C9orf57: variants seen among roughly 807,000 people sequenced by gnomAD.
C9orf57 encodes the protein uncharacterized protein C9orf57.
In C9orf57, 12 loss-of-function variants were observed where a neutral mutation model predicts 12.9. The ratio of observed to expected loss-of-function variants is 0.93; its 90% CI spans 0.60 to 1.51. The LOEUF is 1.51. C9orf57 is among the 40% of genes most tolerant of loss of function. The probability of loss-of-function intolerance (pLI) is 0.00; values close to 1 mark genes in which losing one functional copy is unlikely to be tolerated. For missense variants in C9orf57, 141 were observed against 162.8 expected (o/e 0.87, Z 0.73); for synonymous variants, 49 against 57.1 (o/e 0.86, Z 0.64).
rs751098742 is a variant in C9orf57, at chr9:72,056,094, T to G, written c.260A>C (p.Lys87Thr). The change falls in exon 4 of 5, where the codon AAA becomes ACA. Residue 87 changes from lysine to threonine, a missense_variant. By Grantham distance (78) the Lys-to-Thr change is moderately conservative. Transcript: ENST00000651200. ...TCQAEPGQYCKEEVHIQGGIQ... is the reference protein window; with the variant it reads ...TCQAEPGQYCTEEVHIQGGIQ... ...CTTACCTTGAATGTGGACCTCTTCT[T>G]TACAGTACTGACCAGGTTCTGCCTG... 7.0e-5 allele frequency: 109 copies of G among 1,549,866 alleles called. No individual in the cohort carries two copies. The highest frequency in any genetic ancestry group is 1.1e-5 in the Non-Finnish European group (13 of 1,145,956).
intron 2 of C9orf57, among the ~76,000 whole-genome samples, chr9:72,058,416 C>T (rs143012693): frequency 0.013 from 1,920 of 152,308 alleles, 42 homozygotes; most frequent in African/African-American, 0.044. Flanking sequence ...CTGCCTCAGC[C>T]TCCCAAAGTG....
chr9:72,056,003 T>C (rs1824192027), intron 4 of C9orf57, 71 bp downstream of exon 4: 5 of 1,463,940 alleles, frequency 3.4e-6, no homozygotes, highest in East Asian at 5.1e-5. Context: ...ATCTGGTATA[T>C]GAAAGTTTGT....
intron 2 of C9orf57, 64 bp downstream of exon 2, chr9:72,059,171 G>C: frequency 6.5e-7 from 1 of 1,541,446 alleles, no homozygotes; most frequent in Non-Finnish European, 8.8e-7. Context: ...GAGCCGCCAC[G>C]CTCGGCCCTA....
intron 2 of C9orf57, among the ~76,000 whole-genome samples, chr9:72,058,455 C>A (rs1824254150): frequency 6.6e-6 from 1 of 152,108 alleles, no homozygotes; most frequent in South Asian, 2.1e-4. Context: ...GCCACCGCGG[C>A]CAGCCTTAGG....
At chr9:72,052,938 A>G (rs568049854) in intron 4 of C9orf57, among the ~76,000 whole-genome samples, 13 of 152,306 alleles carry the variant, frequency 8.5e-5, no homozygotes, top group African/African-American at 3.1e-4. Context: ...TGCACACAAG[A>G]ACAAAATAAG....
chr9:72,054,717 T>G (rs981584922), intron 4 of C9orf57, among the ~76,000 whole-genome samples: 1 of 152,128 alleles, frequency 6.6e-6, no homozygotes, highest in Non-Finnish European at 1.5e-5. Flanking sequence ...GTATTTACTC[T>G]TGATTGTTGG....
At position 72,056,113 on chromosome 9, in the gene C9orf57, C is replaced by T. The variant is rs111984851; in HGVS notation, c.241G>A (p.Glu81Lys). The change falls in exon 4 of 5, where the codon GAA (glutamate) becomes AAA (lysine). Residue 81 changes from glutamate to lysine, a missense_variant. Coordinates refer to ENST00000651200, the MANE Select transcript of C9orf57 (RefSeq NM_001128618.2). ...TCTTCTTTACAGTACTGACCAGGTT[C>T]TGCCTGGCAGGTTCCCAGGTCTAAA... ...CLLDLGTCQA[E>K]PGQYCKEEVH... 1.9e-5 allele frequency: 29 copies of T among 1,551,064 alleles called. No homozygotes were observed. The highest frequency in any genetic ancestry group is 9.8e-5 in the Admixed American group (5 of 50,974).
rs1229782956 is a variant in C9orf57, at chr9:72,059,284, A to G, written c.48T>C (p.Gly16=). 3.9e-6 allele frequency: 6 copies of G among 1,551,732 alleles called. No homozygotes were observed. Among genetic ancestry groups the G allele is most frequent in the Non-Finnish European group, 5.2e-6 (6 of 1,146,998 alleles). Residue 16 remains glycine, a synonymous_variant, in exon 2 of 5, where the codon GGT becomes GGC. Coordinates refer to ENST00000651200, the MANE Select transcript of C9orf57 (RefSeq NM_001128618.2). ...FAGVILFRLL[G]VILFRLLGVI... Reference sequence around the variant, plus strand: ...CACCTAAGAGGCGGAATAAGATAACACCTAAGAGGCGGAATAAGATAACAC... The same window carrying G: ...CACCTAAGAGGCGGAATAAGATAACGCCTAAGAGGCGGAATAAGATAACAC...
At chr9:72,054,655 G>C (rs957798564) in intron 4 of C9orf57, among the ~76,000 whole-genome samples, 1 of 152,022 alleles carries the variant, frequency 6.6e-6, no homozygotes, top group Non-Finnish European at 1.5e-5. Context: ...TATATTTGTA[G>C]GTTACTTATA....
chr9:72,059,511 A>C (rs7047632), intron 1 of C9orf57, 127 bp from the exon 2 acceptor site: 255,105 of 1,171,452 alleles, frequency 0.22, 32,843 homozygotes, highest in East Asian at 0.51. Flanking sequence ...AAAATAAGGT[A>C]CCTGTCTTTA....
In C9orf57 at chr9:72,052,303, T is replaced by C. The variant is rs534328373; in HGVS notation, c.413A>G (p.Asn138Ser). 3 of 1,551,656 alleles carry C rather than the reference T, an allele frequency of 1.9e-6. No homozygotes were observed. ...TAGATATGGGCCACTGACTCAGAAA[T>C]TGCACAAAGAATGATTGCAGCAGTG... ...TTHCCNHSLC[N>S]F The change falls in exon 5 of 5, where the codon AAT (asparagine) becomes AGT (serine). Residue 138 changes from asparagine (N) to serine (S), a missense_variant. Coordinates refer to ENST00000651200, the MANE Select transcript of C9orf57 (RefSeq NM_001128618.2).
chr9:72,058,860 C>G (rs1167989004), intron 2 of C9orf57, among the ~76,000 whole-genome samples: 1 of 152,122 alleles, frequency 6.6e-6, no homozygotes, highest in Non-Finnish European at 1.5e-5. Context: ...ACTTTCCATT[C>G]ATAATCAATG....
intron 2 of C9orf57, 69 bp downstream of exon 2, chr9:72,059,166 G>A (rs751653856): frequency 2.1e-5 from 32 of 1,536,314 alleles, no homozygotes; most frequent in African/African-American, 1.8e-4. Context: ...GGCGTGAGCC[G>A]CCACGCTCGG....
At chr9:72,059,419 C>A in intron 1 of C9orf57, 35 bp from the exon 2 acceptor site, 1 of 1,544,630 alleles carries the variant, frequency 6.5e-7, no homozygotes, top group Non-Finnish European at 8.7e-7. Flanking sequence ...TTTATGTTAG[C>A]TATTTTAAAA....
At chr9:72,053,943 C>A (rs555243306) in intron 4 of C9orf57, among the ~76,000 whole-genome samples, 6 of 152,308 alleles carry the variant, frequency 3.9e-5, no homozygotes, top group African/African-American at 1.4e-4. Context: ...CACTCCATGA[C>A]CTGCATGTAA....
In C9orf57 at chr9:72,051,437, C is replaced by A. The variant is rs142683344; in HGVS notation, c.*859G>T. ...AAACTCCTGAAAATACAGAGAAAGACAGTTTTAAATTAAATTTTAAATTAA... is the reference window on the plus strand; with the variant it reads ...AAACTCCTGAAAATACAGAGAAAGAAAGTTTTAAATTAAATTTTAAATTAA... On this transcript the variant is annotated 3_prime_UTR_variant, in exon 5 of 5. Transcript: ENST00000651200. 6.6e-6 allele frequency: 1 copy of A among 152,188 alleles called. No homozygotes were observed. The highest frequency in any genetic ancestry group is 1.5e-5 in the Non-Finnish European group (1 of 68,008). 9.4% of individuals were successfully genotyped at this position (152,188 alleles called of 1,614,324 possible). A position where few individuals can be genotyped will look rare whatever the true frequency, so the allele number is the denominator to read the frequency against.
In C9orf57 at chr9:72,056,155, G is replaced by T. The variant is rs1028352530; in HGVS notation, c.199C>A (p.Pro67Thr). Residue 67 changes from proline (P) to threonine (T), a missense_variant, in exon 4 of 5, where the codon CCC becomes ACC. Physicochemically the swap from Pro to Thr is conservative, Grantham distance 38. Coordinates refer to ENST00000651200, the MANE Select transcript of C9orf57 (RefSeq NM_001128618.2). ...AGGTCTAAAAGACATCCATGGAAGG[G>T]CAGTGAAAGATTGCATGCTCTGCAA... ...LICRACNLSLPFHGCLLDLGT... is the reference protein window; with the variant it reads ...LICRACNLSLTFHGCLLDLGT... 5 of 1,550,770 alleles carry T rather than the reference G, an allele frequency of 3.2e-6. No homozygotes were observed. In the Admixed American group the frequency reaches 5.9e-5, roughly 18 times the overall value.
Position 72,060,525 on chromosome 9 carries a change from A to G in C9orf57, c.-82T>C. 6.5e-7 allele frequency: 1 copy of G among 1,543,182 alleles called. No homozygotes were observed. Among genetic ancestry groups the G allele is most frequent in the Non-Finnish European group, 8.8e-7 (1 of 1,139,664 alleles). On this transcript the variant is annotated 5_prime_UTR_variant, in exon 1 of 5. Transcript: ENST00000651200. ...TCTTTTTCATTAAGGTACTATGGAA[A>G]TTTTCCTGGGTCTGAACTTTCTTAA...
Position 72,056,837 on chromosome 9 carries a change from C to G in C9orf57, c.104G>C (p.Gly35Ala). The G allele has an allele frequency of 6.4e-7, 1 of 1,550,858 alleles. No individual in the cohort carries two copies. Among genetic ancestry groups the G allele is most frequent in the Non-Finnish European group, 8.7e-7 (1 of 1,146,244 alleles). Residue 35 changes from glycine to alanine, a missense_variant, in exon 3 of 5, where the codon GGA (glycine) becomes GCA (alanine). Physicochemically the swap from Gly to Ala is moderately conservative, Grantham distance 60. Transcript: ENST00000651200. The stretch of plus-strand genomic sequence containing the variant: ...CTGACCAGGTTTTGTCTGGCAGGTT[C>G]CCAGGTCTAAAAGACATCCATGGAA... ...VILFGRLGDL[G>A]TCQTKPGQYW...
Sources: allele counts gnomAD v4.1 joint callset (sites outside exome capture counted in the v4.1 genomes callset), GRCh38; gene constraint gnomAD v4.1.1; transcripts MANE v1.5; gene names NCBI Gene and HGNC (gene_info 2026-07-23, HGNC 2026-07-21).